HDAC9: variants seen among roughly 807,000 people sequenced by gnomAD.
HDAC9 encodes histone deacetylase 9.
HDAC9 carries 41 observed loss-of-function variants against 139.4 expected under a neutral mutation model. The observed-to-expected ratio is 0.29, with a 90% CI of 0.23 to 0.38. HDAC9 has a LOEUF of 0.38. Ranked by LOEUF, HDAC9 falls within the 10% of genes least tolerant of loss-of-function variation. The pLI, the probability that HDAC9 is intolerant of heterozygous loss-of-function variation, is 1.00. For synonymous variants in HDAC9, 517 were observed against 476.2 expected (o/e 1.09, Z -1.12); for missense variants, 1,147 against 1,297.0 (o/e 0.88, Z 1.78).
At chr7:18,878,374 G>T (rs562855533) in intron 22 of HDAC9, among the ~76,000 whole-genome samples, 1,551 of 152,272 alleles carry the variant, frequency 0.01, 1 homozygote, top group South Asian at 0.018. Flanking sequence ...CAAAATCATT[G>T]TGAGATGATA....
intron 22 of HDAC9, among the ~76,000 whole-genome samples, chr7:18,925,582 T>C (rs1804144894): frequency 6.6e-6 from 1 of 152,136 alleles, no homozygotes; most frequent in Non-Finnish European, 1.5e-5. Flanking sequence ...GTTTTAGTTT[T>C]ACCCTGTGTA....
chr7:18,413,777 T>A (rs1305933081), intron 1 of HDAC9, among the ~76,000 whole-genome samples: 4 of 152,134 alleles, frequency 2.6e-5, no homozygotes, highest in Non-Finnish European at 5.9e-5. Context: ...ACCTCATACA[T>A]CATTGCAAGA....
At chr7:18,744,506 G>A (rs1488833965) in intron 13 of HDAC9, among the ~76,000 whole-genome samples, 2 of 152,132 alleles carry the variant, frequency 1.3e-5, no homozygotes, top group Non-Finnish European at 2.9e-5. Context: ...TGAAACCTCA[G>A]GTAGTTCCCA....
chr7:18,257,113 CATGT>C (rs201627460), intron 2 of HDAC9, among the ~76,000 whole-genome samples: 537 of 86,816 alleles, frequency 6.2e-3, no homozygotes, highest in Non-Finnish European at 8.1e-3. Flanking sequence ...TGTGTGTGTG[CATGT>C]ATGTGTGTGT....
chr7:18,990,701 T>C (rs554897007), intron 25 of HDAC9, among the ~76,000 whole-genome samples: 34 of 152,358 alleles, frequency 2.2e-4, no homozygotes, highest in South Asian at 4.1e-4. Context: ...GTCAGCGAGA[T>C]TCTGTGGGCG....
At chr7:18,789,025 A>G (rs1417884500) in intron 16 of HDAC9, among the ~76,000 whole-genome samples, 1 of 152,124 alleles carries the variant, frequency 6.6e-6, no homozygotes, top group East Asian at 1.9e-4. Context: ...TCTACTCTGA[A>G]TCATTCAGAG....
At chr7:18,524,224 C>T (rs2128221832) in intron 2 of HDAC9, among the ~76,000 whole-genome samples, 1 of 152,276 alleles carries the variant, frequency 6.6e-6, no homozygotes, top group Middle Eastern at 3.4e-3. Flanking sequence ...ATGTAATTAA[C>T]TGCCATATTT....
intron 14 of HDAC9, among the ~76,000 whole-genome samples, chr7:18,750,467 T>A (rs1021083962): frequency 4.6e-5 from 7 of 152,196 alleles, no homozygotes; most frequent in African/African-American, 1.7e-4. Context: ...TCAAACAGTT[T>A]TCATATTTAA....
chr7:18,545,856 C>T (rs2128635270), intron 2 of HDAC9, among the ~76,000 whole-genome samples: 1 of 152,266 alleles, frequency 6.6e-6, no homozygotes, highest in South Asian at 2.1e-4. Context: ...CCCTAAATAC[C>T]TCCCTACTTA....
At chr7:18,611,002 A>T (rs1370535508) in intron 6 of HDAC9, among the ~76,000 whole-genome samples, 1 of 152,202 alleles carries the variant, frequency 6.6e-6, no homozygotes, top group Non-Finnish European at 1.5e-5. Flanking sequence ...GCTGCTAACA[A>T]CACAATAGAG....
intron 12 of HDAC9, among the ~76,000 whole-genome samples, chr7:18,699,837 T>C (rs989634149): frequency 8.5e-5 from 13 of 152,142 alleles, no homozygotes; most frequent in African/African-American, 2.9e-4. Context: ...TAAAATCTTT[T>C]ACTATTTGGT....
chr7:18,264,045 A>G (rs1309348736), intron 2 of HDAC9, among the ~76,000 whole-genome samples: 1 of 152,238 alleles, frequency 6.6e-6, no homozygotes. Context: ...CCCAAAATGT[A>G]TGACACAAAA....
chr7:18,234,448 T>C (rs1024228582), intron 2 of HDAC9, among the ~76,000 whole-genome samples: 1 of 152,228 alleles, frequency 6.6e-6, no homozygotes, highest in African/African-American at 2.4e-5. Flanking sequence ...CATTCATTCT[T>C]TTATTCCATC....
At chr7:18,930,441 C>G (rs769209321) in intron 22 of HDAC9, among the ~76,000 whole-genome samples, 3 of 151,784 alleles carry the variant, frequency 2.0e-5, no homozygotes, top group African/African-American at 7.3e-5. Flanking sequence ...TATATATGCT[C>G]TAATCTAACA....
At chr7:18,947,233 A>C (rs958549077) in intron 23 of HDAC9, among the ~76,000 whole-genome samples, 3 of 151,990 alleles carry the variant, frequency 2.0e-5, no homozygotes, top group Admixed American at 6.6e-5. Flanking sequence ...GCAGCAAATT[A>C]AATGCAAAGA....
intron 22 of HDAC9, among the ~76,000 whole-genome samples, chr7:18,920,897 A>G (rs1202044128): frequency 1.3e-5 from 2 of 152,076 alleles, no homozygotes; most frequent in Admixed American, 6.6e-5. Flanking sequence ...TCGGTTTGCC[A>G]GTATTTTATT....
intron 17 of HDAC9, among the ~76,000 whole-genome samples, chr7:18,806,853 A>G (rs1436406764): frequency 1.3e-5 from 2 of 152,074 alleles, no homozygotes; most frequent in Non-Finnish European, 2.9e-5. Flanking sequence ...TGTGCTTTCA[A>G]TTTGGTTTGC....
intron 2 of HDAC9, among the ~76,000 whole-genome samples, chr7:18,510,459 A>G (rs1316710737): frequency 6.6e-6 from 1 of 151,980 alleles, no homozygotes; most frequent in East Asian, 1.9e-4. Context: ...TGCATTTAAT[A>G]CTATTTTTCC....
intron 21 of HDAC9, among the ~76,000 whole-genome samples, chr7:18,861,549 C>T (rs937968260): frequency 6.6e-6 from 1 of 152,102 alleles, no homozygotes; most frequent in Non-Finnish European, 1.5e-5. Context: ...TACACTAATA[C>T]TATTCTCACA....
Sources: allele counts gnomAD v4.1 joint callset (sites outside exome capture counted in the v4.1 genomes callset), GRCh38; gene constraint gnomAD v4.1.1; transcripts MANE v1.5; gene names NCBI Gene and HGNC (gene_info 2026-07-23, HGNC 2026-07-21).